FUT8: variants seen among roughly 807,000 people sequenced by gnomAD.
FUT8 encodes the protein fucosyltransferase 8.
A neutral mutation model predicts 71.3 loss-of-function variants in FUT8; 29 were observed. The ratio of observed to expected loss-of-function variants is 0.41; its 90% CI spans 0.30 to 0.55. The LOEUF (loss-of-function observed/expected upper bound fraction) is 0.55, where lower values mean the gene tolerates loss of function less well. Ranked by LOEUF, FUT8 falls within the 20% of genes least tolerant of loss-of-function variation. FUT8 has a pLI of 0.34. For missense variants in FUT8, 544 were observed against 702.1 expected (o/e 0.77, Z 2.55); for synonymous variants, 254 against 239.3 (o/e 1.06, Z -0.57).
chr14:65,415,800 G>A (rs977733447), intron 1 of FUT8, among the ~76,000 whole-genome samples: 2 of 151,400 alleles, frequency 1.3e-5, no homozygotes, highest in Non-Finnish European at 2.9e-5. Context: ...AATGCAGTGC[G>A]TCCAGCTGAT....
chr14:65,567,790 A>G (rs1171521147), intron 3 of FUT8, among the ~76,000 whole-genome samples: 3 of 151,794 alleles, frequency 2.0e-5, no homozygotes, highest in Non-Finnish European at 4.4e-5. Flanking sequence ...CTCTCCCTGG[A>G]ATTTCTTGTA....
intron 2 of FUT8, among the ~76,000 whole-genome samples, chr14:65,508,521 A>G (rs1391055534): frequency 5.9e-5 from 3 of 50,654 alleles, no homozygotes; most frequent in African/African-American, 8.5e-5. Flanking sequence ...TTTTTTTGAG[A>G]TGGAGTTTCG....
At chr14:65,586,308 T>C (rs1478631497) in intron 3 of FUT8, among the ~76,000 whole-genome samples, 1 of 152,214 alleles carries the variant, frequency 6.6e-6, no homozygotes, top group East Asian at 1.9e-4. Context: ...TAGCAATCTT[T>C]TTACATTTCT....
intron 3 of FUT8, among the ~76,000 whole-genome samples, chr14:65,592,450 A>T (rs893517703): frequency 6.6e-6 from 1 of 151,958 alleles, no homozygotes; most frequent in Non-Finnish European, 1.5e-5. Context: ...CTACGTACCT[A>T]CCTACCTTCC....
At chr14:65,590,733 G>A (rs1390358601) in intron 3 of FUT8, among the ~76,000 whole-genome samples, 5 of 152,074 alleles carry the variant, frequency 3.3e-5, no homozygotes, top group South Asian at 2.1e-4. Context: ...CTGCATAAAC[G>A]ATTGTTTTTC....
chr14:65,680,828 G>A (rs1893000565), intron 7 of FUT8, among the ~76,000 whole-genome samples: 1 of 152,126 alleles, frequency 6.6e-6, no homozygotes. Context: ...TTCCATGGCT[G>A]CTTAGTGTAT....
At position 65,669,283 on chromosome 14, in the gene FUT8, A is replaced by G. The variant is rs761262171; in HGVS notation, c.638A>G (p.Asn213Ser). The G allele has an allele frequency of 1.2e-6, 2 of 1,613,710 alleles. No homozygotes were observed. The highest frequency in any genetic ancestry group is 2.2e-5 in the East Asian group (1 of 44,896). ...DCSKAKKLVC[N>S]INKGCGYGCQ... ...AGCAAAGCCAAAAAGCTGGTGTGTAATATCAACAAAGGCTGTGGCTATGGC... is the reference window on the plus strand; with the variant it reads ...AGCAAAGCCAAAAAGCTGGTGTGTAGTATCAACAAAGGCTGTGGCTATGGC... The change falls in exon 7 of 11, where the codon AAT becomes AGT. Residue 213 changes from asparagine (N) to serine (S), a missense_variant. Coordinates refer to ENST00000673929, the MANE Select transcript of FUT8 (RefSeq NM_001371533.1). The surrounding 1 kb of genome is among the most constrained non-coding windows in gnomAD (Gnocchi z 4.5).
chr14:65,428,943 G>T (rs527318073), intron 1 of FUT8, among the ~76,000 whole-genome samples: 1 of 152,164 alleles, frequency 6.6e-6, no homozygotes, highest in Non-Finnish European at 1.5e-5. Flanking sequence ...GAAGGAAAGT[G>T]CATGACTATC....
intron 8 of FUT8, among the ~76,000 whole-genome samples, chr14:65,723,152 TAA>T (rs56003211): frequency 0.069 from 8,505 of 123,494 alleles, 291 homozygotes; most frequent in Admixed American, 0.13. Context: ...CCCCATCAAT[TAA>T]AAAAAAAAAA....
chr14:65,445,031 C>T (rs541921474), intron 1 of FUT8, among the ~76,000 whole-genome samples: 1 of 152,200 alleles, frequency 6.6e-6, no homozygotes, highest in East Asian at 1.9e-4. Flanking sequence ...TGGTGAAACC[C>T]TGTCTGTACT....
intron 7 of FUT8, among the ~76,000 whole-genome samples, chr14:65,710,551 A>G (rs1351042392): frequency 1.3e-5 from 2 of 152,136 alleles, no homozygotes; most frequent in Non-Finnish European, 2.9e-5. Flanking sequence ...ACTAGACAGT[A>G]GCGTGTATCT....
rs888661561 is a variant in FUT8 at position 65,450,383 on chromosome 14, A to G, written c.-325-5238A>G. Among the ~76,000 whole-genome samples, 4 of 151,940 alleles carry G rather than the reference A, an allele frequency of 2.6e-5. No individual in the cohort carries two copies. The East Asian group carries it at 7.7e-4, about 29-fold the overall frequency. Reference sequence around the variant, plus strand: ...TAACTTAAGATGTTTATTTAGTTCTATAGGTATTCTGTTTCTCCTGAAAAC... The same window carrying G: ...TAACTTAAGATGTTTATTTAGTTCTGTAGGTATTCTGTTTCTCCTGAAAAC... On this transcript the variant is annotated intron_variant, in intron 1 of 10. Coordinates refer to ENST00000673929, the MANE Select transcript of FUT8 (RefSeq NM_001371533.1).
intron 7 of FUT8, among the ~76,000 whole-genome samples, chr14:65,700,313 A>G (rs946034387): frequency 2.0e-5 from 3 of 151,544 alleles, no homozygotes; most frequent in Admixed American, 6.6e-5. Flanking sequence ...TAGTTCTGTA[A>G]GAATTTTACA....
chr14:65,402,358 G>A, the FUT8 span, among the ~76,000 whole-genome samples: 11 of 151,218 alleles, frequency 7.3e-5, no homozygotes, highest in South Asian at 1.9e-3. Context: ...GCACCATCAT[G>A]CCCAGCTAAT....
the FUT8 span, among the ~76,000 whole-genome samples, chr14:65,363,381 A>C: frequency 7.2e-4 from 110 of 152,088 alleles, no homozygotes; most frequent in Admixed American, 7.2e-3. Flanking sequence ...TCGGCCTCTC[A>C]AAGTGCTGGG....
the FUT8 span, among the ~76,000 whole-genome samples, chr14:65,362,571 G>A: frequency 1.3e-5 from 2 of 152,052 alleles, no homozygotes; most frequent in Non-Finnish European, 2.9e-5. Context: ...AGGGTGATAC[G>A]CAATGCTAAA....
At chr14:65,624,596 T>A (rs373714916) in intron 5 of FUT8, among the ~76,000 whole-genome samples, 19 of 152,272 alleles carry the variant, frequency 1.2e-4, no homozygotes, top group East Asian at 5.8e-4. Flanking sequence ...TGATTGTCAA[T>A]GAAATGTAAT....
intron 2 of FUT8, among the ~76,000 whole-genome samples, chr14:65,520,092 T>G (rs1215414852): frequency 6.6e-6 from 1 of 152,210 alleles, no homozygotes; most frequent in East Asian, 1.9e-4. Context: ...CTTTAACATT[T>G]AACAACATTT....
At chr14:65,624,449 G>A (rs1169949239) in intron 5 of FUT8, among the ~76,000 whole-genome samples, 1 of 152,140 alleles carries the variant, frequency 6.6e-6, no homozygotes, top group African/African-American at 2.4e-5. Context: ...GTAGAGATCA[G>A]CTTTCATTCA....
Sources: gnomAD v4.1 joint callset for allele counts (sites outside exome capture counted in the v4.1 genomes callset) on GRCh38, gnomAD v4.1.1 for gene constraint, Gnocchi (gnomAD v3.1) non-coding constraint, MANE v1.5 for transcripts, NCBI Gene and HGNC (gene_info 2026-07-23, HGNC 2026-07-21) for gene names.